The following DNAH11 variants were observed in gnomAD, a reference collection of about 807,000 sequenced individuals.
DNAH11 encodes the protein dynein axonemal heavy chain 11, also known as axonemal beta dynein heavy chain 11.
DNAH11 carries 442 observed loss-of-function variants against 526.0 expected under a neutral mutation model. The ratio of observed to expected loss-of-function variants is 0.84; its 90% confidence interval spans 0.78 to 0.91. The LOEUF (loss-of-function observed/expected upper bound fraction) is 0.91. DNAH11 is among the 40% of genes least tolerant of loss of function. The pLI is 0.00. For missense variants in DNAH11, 6,989 were observed against 5,448.7 expected, an observed-to-expected ratio of 1.28 and a Z score of -8.90; for synonymous variants, 2,461 against 1,935.9, an observed-to-expected ratio of 1.27 and a Z score of -7.12.
At chr7:21,868,770 G>A (rs1420007333) in intron 72 of DNAH11, 94 bp from the exon 73 acceptor site, 216 of 1,482,162 alleles carry the variant, frequency 1.5e-4, no homozygotes, top group Non-Finnish European at 1.9e-4. Context: ...AGATGGCTGC[G>A]GTGACCACAG....
intron 74 of DNAH11, 46 bp downstream of exon 74, chr7:21,873,547 C>T (rs1463135069): frequency 1.3e-6 from 2 of 1,576,138 alleles, no homozygotes; most frequent in Admixed American, 3.4e-5. Flanking sequence ...TCAGAGTCAT[C>T]TCACAAGACT....
At chr7:21,600,473 C>G (rs1785035737) in intron 15 of DNAH11, among the ~76,000 whole-genome samples, 1 of 151,706 alleles carries the variant, frequency 6.6e-6, no homozygotes, top group African/African-American at 2.4e-5. Context: ...AAACAAAACA[C>G]AAAAAACCAC....
intron 42 of DNAH11, among the ~76,000 whole-genome samples, chr7:21,713,282 T>G (rs796342925): frequency 1.3e-5 from 2 of 152,162 alleles, no homozygotes; most frequent in Admixed American, 6.5e-5. Flanking sequence ...CCCTCTTCTG[T>G]GGTCTGTATG....
rs776477595 is a variant in DNAH11, at chr7:21,725,867, G to A, written c.7323G>A (p.Val2441=). 5.6e-6 allele frequency: 9 copies of A among 1,611,418 alleles called. No homozygotes were observed. Among genetic ancestry groups the A allele is most frequent in the Non-Finnish European group, 7.6e-6 (9 of 1,178,762 alleles). The change falls in exon 45 of 82, where the codon GTG becomes GTA. Residue 2441 remains valine (V), a synonymous_variant. Coordinates refer to ENST00000409508, the MANE Select transcript of DNAH11 (RefSeq NM_001277115.2). ...SRWWQKEMKA[V]KFPSQGTIFD... The stretch of plus-strand genomic sequence containing the variant: ...GGTGGCAGAAAGAGATGAAAGCAGT[G>A]AAATTTCCGTCGCAGGGAACAATCT...
At chr7:21,670,123 G>A (rs1212940608) in intron 30 of DNAH11, among the ~76,000 whole-genome samples, 1 of 151,982 alleles carries the variant, frequency 6.6e-6, no homozygotes, top group Non-Finnish European at 1.5e-5. Context: ...ATAAATTTTG[G>A]AAGAATGAAC....
intron 42 of DNAH11, among the ~76,000 whole-genome samples, chr7:21,713,089 T>G (rs1784522527): frequency 6.6e-6 from 1 of 152,228 alleles, no homozygotes; most frequent in African/African-American, 2.4e-5. Context: ...GCCCAGTTGC[T>G]TACTCCTCAA....
intron 76 of DNAH11, among the ~76,000 whole-genome samples, chr7:21,886,914 C>T (rs1784144329): frequency 6.6e-6 from 1 of 152,166 alleles, no homozygotes; most frequent in Admixed American, 6.5e-5. Flanking sequence ...TGGAGAGGTA[C>T]CTCCTCAACT....
chr7:21,871,416 A>G (rs1389591042), intron 73 of DNAH11, among the ~76,000 whole-genome samples: 1 of 152,242 alleles, frequency 6.6e-6, no homozygotes. Flanking sequence ...CTGCCAAGCT[A>G]GATTCCAAAG....
intron 9 of DNAH11, among the ~76,000 whole-genome samples, chr7:21,586,126 G>A (rs1784471590): frequency 1.3e-5 from 2 of 152,114 alleles, no homozygotes; most frequent in African/African-American, 2.4e-5. Context: ...TCGCCTCAGA[G>A]TATTTTCTCT....
At chr7:21,641,346 C>T (rs912497102) in intron 28 of DNAH11, among the ~76,000 whole-genome samples, 5 of 152,148 alleles carry the variant, frequency 3.3e-5, no homozygotes, top group South Asian at 4.2e-4. Context: ...GTGCAGATGG[C>T]CTCCTTTGCC....
intron 68 of DNAH11, 113 bp from the exon 69 acceptor site, chr7:21,861,740 G>T: frequency 9.0e-7 from 1 of 1,114,624 alleles, no homozygotes; most frequent in Non-Finnish European, 1.3e-6. Flanking sequence ...TAAAAATTTT[G>T]CCTCATTCTC....
chr7:21,628,107 T>C (rs1168125459), intron 25 of DNAH11, among the ~76,000 whole-genome samples: 1 of 152,166 alleles, frequency 6.6e-6, no homozygotes, highest in Non-Finnish European at 1.5e-5. Context: ...TTGGTACATA[T>C]AAATGCAACT....
At chr7:21,900,973 C>A (rs190739961) in intron 81 of DNAH11, 34 bp from the exon 82 acceptor site, 343 of 1,534,102 alleles carry the variant, frequency 2.2e-4, no homozygotes, top group Non-Finnish European at 2.8e-4. Context: ...TAGCAAGCTG[C>A]CACACAATTG....
At chr7:21,635,626 TATG>T (rs1786825569) in intron 25 of DNAH11, among the ~76,000 whole-genome samples, 1 of 138,852 alleles carries the variant, frequency 7.2e-6, no homozygotes, top group South Asian at 2.3e-4. Context: ...GAGAAAGACA[TATG>T]AGGAGATAAC....
At chr7:21,595,289 C>T (rs945490741) in intron 14 of DNAH11, among the ~76,000 whole-genome samples, 1 of 152,210 alleles carries the variant, frequency 6.6e-6, no homozygotes, top group African/African-American at 2.4e-5. Context: ...TAATCACCTC[C>T]TCCTAAACCC....
chr7:21,718,829 A>C (rs1033449391), intron 43 of DNAH11, among the ~76,000 whole-genome samples: 4 of 152,226 alleles, frequency 2.6e-5, no homozygotes, highest in African/African-American at 7.2e-5. Flanking sequence ...AGAAATAGTC[A>C]CAAGCATAAT....
At chr7:21,717,609 A>G (rs751238058) in intron 42 of DNAH11, among the ~76,000 whole-genome samples, 166 bp from the exon 43 acceptor site, 9 of 152,304 alleles carry the variant, frequency 5.9e-5, no homozygotes, top group Non-Finnish European at 1.2e-4. Context: ...ACAAGTTTTT[A>G]AAGGGCCATT....
chr7:21,827,858 G>A (rs1401350624), intron 65 of DNAH11, among the ~76,000 whole-genome samples: 1 of 152,104 alleles, frequency 6.6e-6, no homozygotes, highest in Non-Finnish European at 1.5e-5. Flanking sequence ...GAGGACTTAG[G>A]TGAGATTTAA....
Position 21,793,666 on chromosome 7 carries a change from C to G in DNAH11, c.10026+4324C>G, listed in dbSNP as rs1434526779. 2.7e-5 allele frequency among the ~76,000 whole-genome samples: 4 copies of G among 150,318 alleles called. No individual in the cohort carries two copies. In the East Asian group the frequency reaches 5.9e-4, roughly 22 times the overall value. The stretch of plus-strand genomic sequence containing the variant: ...TTCTGCAGCTGTTAGATGAAATGTT[C>G]TATAAATGTTGCTTAGACCTATGTA... On this transcript the variant is annotated intron_variant, in intron 61 of 81. Coordinates refer to ENST00000409508, the MANE Select transcript of DNAH11 (RefSeq NM_001277115.2).
Sources: gnomAD v4.1 joint callset for allele counts (sites outside exome capture counted in the v4.1 genomes callset) on GRCh38, gnomAD v4.1.1 for gene constraint, MANE v1.5 for transcripts, NCBI Gene and HGNC (gene_info 2026-07-23, HGNC 2026-07-21) for gene names.